GSDME: variants seen among roughly 807,000 people sequenced by gnomAD.
GSDME encodes the protein gasdermin E, also known as gasdermin-E.
In GSDME, 44 loss-of-function variants were observed where a neutral mutation model predicts 47.5. The observed-to-expected ratio is 0.93, with a 90% confidence interval of 0.73 to 1.19. The LOEUF is 1.19. Ranked by LOEUF, GSDME falls within the 50% of genes most tolerant of loss-of-function variation. The pLI, the probability that GSDME is intolerant of heterozygous loss-of-function variation, is 0.00. For synonymous variants in GSDME, 258 were observed against 252.8 expected (o/e 1.02, Z -0.20); for missense variants, 663 against 604.2 (o/e 1.10, Z -1.02).
chr7:24,779,723 C>A, the GSDME span, among the ~76,000 whole-genome samples: 25 of 152,210 alleles, frequency 1.6e-4, no homozygotes, highest in African/African-American at 5.8e-4. This position sits in a 1 kb window ranked among gnomAD's most constrained non-coding sequence, Gnocchi z 6.0. Context: ...GCTCTTTCCA[C>A]CATCTCTCGC....
At chr7:24,701,158 TAAAG>T (rs921400716) in intron 9 of GSDME, among the ~76,000 whole-genome samples, 32 of 152,142 alleles carry the variant, frequency 2.1e-4, no homozygotes, top group Non-Finnish European at 7.4e-5. Flanking sequence ...GTAAATCCCT[TAAAG>T]AAACATGACG....
rs1790433475 is a variant in GSDME, at chr7:24,739,922, A to G, written c.404+4640T>C. Among the ~76,000 whole-genome samples the G allele has an allele frequency of 6.6e-6, 1 of 152,026 alleles. No individual in the cohort carries two copies. Among genetic ancestry groups the G allele is most frequent in the African/African-American group, 2.4e-5 (1 of 41,402 alleles). ...AGCCTGGCCAATATGGTGAAACCCC[A>G]TCTCTACTAAAAATACAAAAATTAG... On this transcript the variant is annotated intron_variant, in intron 3 of 9. Coordinates refer to ENST00000645220, the MANE Select transcript of GSDME (RefSeq NM_001127453.2). This position sits in a 1 kb window ranked among gnomAD's most constrained non-coding sequence, Gnocchi z 5.1.
At chr7:24,703,102 A>G in intron 8 of GSDME, 3 of 386,562 alleles carry the variant, frequency 7.8e-6, no homozygotes, top group South Asian at 6.3e-5. Flanking sequence ...AGAACTGCCC[A>G]GACTCTGGGG....
Position 24,725,493 on chromosome 7 carries a change from G to C in GSDME, c.405-6275C>G, listed in dbSNP as rs1455601358. ...AAGGAAGGGGTTTATTCGGCCGGGA[G>C]CGTCGGCAAGACTCCTGTCTCAAGA... On this transcript the variant is annotated intron_variant, in intron 3 of 9. Transcript: ENST00000645220. This position sits in a 1 kb window ranked among gnomAD's most constrained non-coding sequence, Gnocchi z 5.1. Among the ~76,000 whole-genome samples, 1 of 152,140 alleles carries C rather than the reference G, an allele frequency of 6.6e-6. No individual in the cohort carries two copies. The highest frequency in any genetic ancestry group is 2.4e-5 in the African/African-American group (1 of 41,416).
Position 24,724,123 on chromosome 7 carries a change from T to C in GSDME, c.405-4905A>G, listed in dbSNP as rs1360053262. On this transcript the variant is annotated intron_variant, in intron 3 of 9. Transcript: ENST00000645220. The surrounding 1 kb of genome is among the most constrained non-coding windows in gnomAD (Gnocchi z 4.8). ...ATGGCGGGGAGGGGCTTTTCACCTT[T>C]TCTCTTTTGACCTTTTGACATTTAA... 6.6e-6 allele frequency among the ~76,000 whole-genome samples: 1 copy of C among 151,982 alleles called. No individual in the cohort carries two copies. Among genetic ancestry groups the C allele is most frequent in the Non-Finnish European group, 1.5e-5 (1 of 68,026 alleles).
At chr7:24,751,592 T>C (rs184989616) in intron 1 of GSDME, among the ~76,000 whole-genome samples, 68 of 152,338 alleles carry the variant, frequency 4.5e-4, no homozygotes, top group African/African-American at 1.6e-3. Flanking sequence ...ACACTAGGAA[T>C]GAACATTTAA....
the GSDME span, among the ~76,000 whole-genome samples, chr7:24,770,445 G>A: frequency 6.6e-6 from 1 of 152,178 alleles, no homozygotes; most frequent in East Asian, 1.9e-4. This position sits in a 1 kb window ranked among gnomAD's most constrained non-coding sequence, Gnocchi z 4.6. Context: ...TGAACCTGAG[G>A]AGAAAGTCGT....
the GSDME span, among the ~76,000 whole-genome samples, chr7:24,780,620 T>C: frequency 4.6e-5 from 7 of 152,344 alleles, no homozygotes; most frequent in African/African-American, 7.2e-5. This position sits in a 1 kb window ranked among gnomAD's most constrained non-coding sequence, Gnocchi z 4.1. Flanking sequence ...ATGTCTTCTG[T>C]GAAATCTTCC....
rs1409003568 is a variant in GSDME at position 24,756,762 on chromosome 7, C to T, written c.-20+634G>A. Among the ~76,000 whole-genome samples the T allele has an allele frequency of 1.3e-5, 2 of 152,162 alleles. No individual in the cohort carries two copies. Among genetic ancestry groups the T allele is most frequent in the East Asian group, 1.9e-4 (1 of 5,184 alleles). On this transcript the variant is annotated intron_variant, in intron 1 of 9. Transcript: ENST00000645220. The surrounding 1 kb of genome is among the most constrained non-coding windows in gnomAD (Gnocchi z 4.2). ...GGCTCTGGAAAGGGTCAGAGGTCCT[C>T]AAATGGAGACCAAAGGAAGCCACGC...
At position 24,725,130 on chromosome 7, in the gene GSDME, T is replaced by C. The variant is rs2128055978; in HGVS notation, c.405-5912A>G. On this transcript the variant is annotated intron_variant, in intron 3 of 9. Coordinates refer to ENST00000645220, the MANE Select transcript of GSDME (RefSeq NM_001127453.2). The surrounding 1 kb of genome is among the most constrained non-coding windows in gnomAD (Gnocchi z 5.1). ...TGTATAAATTACCCAGTCTCAGGTA[T>C]TTCCTTATAATAATGCAAACAGACT... Among the ~76,000 whole-genome samples, 1 of 152,326 alleles carries C rather than the reference T, an allele frequency of 6.6e-6. No individual in the cohort carries two copies. The highest frequency in any genetic ancestry group is 3.4e-3 in the Middle Eastern group (1 of 294).
intron 3 of GSDME, among the ~76,000 whole-genome samples, chr7:24,740,159 T>C (rs1338026205): frequency 1.3e-5 from 2 of 151,846 alleles, no homozygotes; most frequent in Non-Finnish European, 2.9e-5. Context: ...GTCATTATGT[T>C]AAACAAAATA....
chr7:24,786,003 G>A, the GSDME span, among the ~76,000 whole-genome samples: 1 of 152,268 alleles, frequency 6.6e-6, no homozygotes, highest in East Asian at 1.9e-4. This position sits in a 1 kb window ranked among gnomAD's most constrained non-coding sequence, Gnocchi z 5.5. Context: ...GCAATCTATA[G>A]GTAAGCTCCG....
At chr7:24,785,557 G>C in the GSDME span, among the ~76,000 whole-genome samples, 3 of 152,168 alleles carry the variant, frequency 2.0e-5, no homozygotes, top group African/African-American at 4.8e-5. Flanking sequence ...ATGGGTTCAA[G>C]CGATTCCCCT....
intron 1 of GSDME, among the ~76,000 whole-genome samples, chr7:24,753,134 CT>C: frequency 6.6e-6 from 1 of 152,064 alleles, no homozygotes; most frequent in Non-Finnish European, 1.5e-5. Flanking sequence ...TCAGAATATT[CT>C]CCTGGTGAAG....
At position 24,705,754 on chromosome 7, in the gene GSDME, G is replaced by A; in HGVS notation, c.1183+430C>T. 3.1e-6 allele frequency: 1 copy of A among 322,138 alleles called. No individual in the cohort carries two copies. The highest frequency in any genetic ancestry group is 2.2e-5 in the African/African-American group (1 of 46,384). 20.0% of individuals were successfully genotyped at this position (322,138 alleles called of 1,614,324 possible). A position where few individuals can be genotyped will look rare whatever the true frequency, so the allele number is the denominator to read the frequency against. On this transcript the variant is annotated intron_variant, in intron 8 of 9. Coordinates refer to ENST00000645220, the MANE Select transcript of GSDME (RefSeq NM_001127453.2). The surrounding 1 kb of genome is among the most constrained non-coding windows in gnomAD (Gnocchi z 4.1). ...CTCCACAGCCCCCTTGCCCCAGACA[G>A]GAGCACGCAGGGTGGGGAATAACAA...
At chr7:24,750,569 C>T (rs149440543) in intron 1 of GSDME, among the ~76,000 whole-genome samples, 42 of 152,292 alleles carry the variant, frequency 2.8e-4, no homozygotes, top group East Asian at 1.5e-3. Flanking sequence ...GCCATGATCA[C>T]GTCACCATAC....
chr7:24,794,852 A>T, the GSDME span, among the ~76,000 whole-genome samples: 1 of 152,170 alleles, frequency 6.6e-6, no homozygotes, highest in Admixed American at 6.5e-5. Context: ...AGCAATTCAC[A>T]CTAAAACCAA....
chr7:24,731,585 C>T (rs1302316209), intron 3 of GSDME, among the ~76,000 whole-genome samples: 1 of 152,238 alleles, frequency 6.6e-6, no homozygotes, highest in East Asian at 1.9e-4. Flanking sequence ...CTTCCCTCCC[C>T]GGGAGCTCTG....
In GSDME at chr7:24,708,145, G is replaced by A; in HGVS notation, c.972C>T (p.Leu324=). ...GGCTCACCACTGGTTCCAGGACCAT[G>A]AGTAGTTCATCATCAAATAGGACCG... The part of the protein sequence containing the change: ...FQAVLFDDEL[L]MVLEPVCDDL... The change falls in exon 7 of 10, where the codon CTC becomes CTT. Residue 324 remains leucine (L), a synonymous_variant. Transcript: ENST00000645220. 3.7e-6 allele frequency: 6 copies of A among 1,614,162 alleles called. No individual in the cohort carries two copies. Among genetic ancestry groups the A allele is most frequent in the Non-Finnish European group, 5.1e-6 (6 of 1,180,034 alleles).
Sources: allele counts gnomAD v4.1 joint callset (sites outside exome capture counted in the v4.1 genomes callset), GRCh38; gene constraint gnomAD v4.1.1; non-coding constraint Gnocchi (gnomAD v3.1); transcripts MANE v1.5; gene names NCBI Gene and HGNC (gene_info 2026-07-23, HGNC 2026-07-21).